SH3BGRL2: variants seen among roughly 807,000 people sequenced by gnomAD.
SH3BGRL2 encodes the protein SH3 domain binding glutamate rich protein like 2.
Under a neutral mutation model 14.8 loss-of-function variants are expected in SH3BGRL2, and 21 were observed. That is an observed-to-expected ratio of 1.42 (90% CI 1.01 to 2.05). The LOEUF is 2.05. Ranked by LOEUF, SH3BGRL2 falls within the 30% of genes most tolerant of loss-of-function variation. SH3BGRL2 has a pLI of 0.00. For synonymous variants in SH3BGRL2, 50 were observed against 47.8 expected, an observed-to-expected ratio of 1.05 and a Z score of -0.19; for missense variants, 147 against 130.8, an observed-to-expected ratio of 1.12 and a Z score of -0.61.
intron 2 of SH3BGRL2, among the ~76,000 whole-genome samples, chr6:79,678,970 A>G (rs1164113947): frequency 6.6e-6 from 1 of 152,180 alleles, no homozygotes; most frequent in Non-Finnish European, 1.5e-5. Context: ...TTAAGGCTGC[A>G]TAGTATTCCA....
chr6:79,615,406 G>A, the SH3BGRL2 span, among the ~76,000 whole-genome samples: 6 of 152,096 alleles, frequency 3.9e-5, no homozygotes, highest in Non-Finnish European at 2.9e-5. Context: ...CCTCTTCTGC[G>A]CAGGGTAACT....
the SH3BGRL2 span, among the ~76,000 whole-genome samples, chr6:79,548,425 T>G: frequency 6.6e-6 from 1 of 152,204 alleles, no homozygotes; most frequent in Non-Finnish European, 1.5e-5. Context: ...TTCTGACTAC[T>G]TAGTTTTTCA....
At chr6:79,696,275 T>C (rs2127739823) in intron 2 of SH3BGRL2, among the ~76,000 whole-genome samples, 1 of 152,344 alleles carries the variant, frequency 6.6e-6, no homozygotes, top group East Asian at 1.9e-4. Context: ...TGTCATAGGT[T>C]TTGGGTTAAA....
chr6:79,569,057 T>C, the SH3BGRL2 span, among the ~76,000 whole-genome samples: 1 of 152,176 alleles, frequency 6.6e-6, no homozygotes, highest in African/African-American at 2.4e-5. Flanking sequence ...CTTGGTTTTA[T>C]GCATTTTAGG....
intron 1 of SH3BGRL2, among the ~76,000 whole-genome samples, chr6:79,663,757 A>G (rs866864232): frequency 2.0e-5 from 3 of 152,224 alleles, no homozygotes; most frequent in East Asian, 3.9e-4. Flanking sequence ...TTGTTCAGCT[A>G]TGCCCTGCTC....
At chr6:79,588,040 T>C in the SH3BGRL2 span, among the ~76,000 whole-genome samples, 2 of 152,056 alleles carry the variant, frequency 1.3e-5, no homozygotes, top group African/African-American at 4.8e-5. Flanking sequence ...ATGGCTGTAA[T>C]CCCAGCACTT....
intron 1 of SH3BGRL2, among the ~76,000 whole-genome samples, chr6:79,662,402 T>TCTTCA (rs1769570133): frequency 1.3e-5 from 2 of 152,216 alleles, no homozygotes; most frequent in Non-Finnish European, 2.9e-5. Context: ...CCTTCACTTA[T>TCTTCA]GAAGCTTAGT....
intron 1 of SH3BGRL2, among the ~76,000 whole-genome samples, chr6:79,661,372 C>T (rs1175411739): frequency 1.3e-5 from 2 of 152,094 alleles, no homozygotes; most frequent in Admixed American, 6.6e-5. Flanking sequence ...TTATTTCTGC[C>T]TTCATTTCGT....
chr6:79,549,918 C>T, the SH3BGRL2 span, among the ~76,000 whole-genome samples: 1 of 152,050 alleles, frequency 6.6e-6, no homozygotes, highest in African/African-American at 2.4e-5. Context: ...TACACAGACA[C>T]GTTTGTGTCA....
At chr6:79,695,186 C>T (rs1487286782) in intron 2 of SH3BGRL2, among the ~76,000 whole-genome samples, 1 of 152,178 alleles carries the variant, frequency 6.6e-6, no homozygotes, top group Non-Finnish European at 1.5e-5. Flanking sequence ...TGCCAGTTTT[C>T]AAAGAAGACT....
the SH3BGRL2 span, among the ~76,000 whole-genome samples, chr6:79,595,445 T>C: frequency 1.3e-5 from 2 of 152,148 alleles, no homozygotes; most frequent in African/African-American, 4.8e-5. Flanking sequence ...AAAAGACAAA[T>C]AATCCAGTAG....
the SH3BGRL2 span, among the ~76,000 whole-genome samples, chr6:79,584,745 A>G: frequency 1.3e-5 from 2 of 152,300 alleles, no homozygotes; most frequent in South Asian, 4.1e-4. Flanking sequence ...GATAAGAAAA[A>G]TTTTAAGGAC....
chr6:79,572,629 C>G, the SH3BGRL2 span, among the ~76,000 whole-genome samples: 2 of 152,026 alleles, frequency 1.3e-5, no homozygotes, highest in Non-Finnish European at 2.9e-5. Context: ...CCACGCCCGG[C>G]TAATTTTTTG....
At chr6:79,628,467 G>A (rs536610159), upstream of SH3BGRL2, among the ~76,000 whole-genome samples, 1 of 152,136 alleles carries the variant, frequency 6.6e-6, no homozygotes, top group South Asian at 2.1e-4. Context: ...CAAGCCTAAT[G>A]ACCTGCTCAA....
At chr6:79,675,820 TGTTA>T (rs901703472) in intron 2 of SH3BGRL2, among the ~76,000 whole-genome samples, 22 of 134,522 alleles carry the variant, frequency 1.6e-4, no homozygotes, top group African/African-American at 3.8e-4. Flanking sequence ...AGTTTTCTTC[TGTTA>T]GTTGTGTTGT....
At chr6:79,541,302 T>C in the SH3BGRL2 span, among the ~76,000 whole-genome samples, 9 of 152,048 alleles carry the variant, frequency 5.9e-5, no homozygotes, top group Non-Finnish European at 1.3e-4. Flanking sequence ...ATATAAAATA[T>C]GTGTGCTTTT....
intron 1 of SH3BGRL2, among the ~76,000 whole-genome samples, chr6:79,657,295 G>C (rs1223569008): frequency 6.6e-6 from 1 of 152,296 alleles, no homozygotes; most frequent in East Asian, 1.9e-4. Flanking sequence ...GGAGGTATCA[G>C]CATCAGTGGG....
chr6:79,586,031 A>G, the SH3BGRL2 span, among the ~76,000 whole-genome samples: 27 of 152,030 alleles, frequency 1.8e-4, no homozygotes, highest in African/African-American at 5.5e-4. Context: ...CCCTGTCTCC[A>G]CTAAAATATA....
chr6:79,673,653 G>A lies in SH3BGRL2; in HGVS notation c.85G>A (p.Ala29Thr). The change falls in exon 2 of 4, where the codon GCC (alanine) becomes ACC (threonine). Residue 29 changes from alanine (A) to threonine (T), a missense_variant. Coordinates refer to ENST00000369838, the MANE Select transcript of SH3BGRL2 (RefSeq NM_031469.4). ...KQQDVVRFLEANKIEFEEVDI... is the reference protein window; with the variant it reads ...KQQDVVRFLETNKIEFEEVDI... ...GCAAGATGTGGTTAGATTTCTGGAAGCCAACAAGATAGAGTTTGAGGAGGT... is the reference window on the plus strand; with the variant it reads ...GCAAGATGTGGTTAGATTTCTGGAAACCAACAAGATAGAGTTTGAGGAGGT... The A allele has an allele frequency of 6.2e-7, 1 of 1,614,082 alleles. No homozygotes were observed. The highest frequency in any genetic ancestry group is 1.1e-5 in the South Asian group (1 of 91,078).
Sources: gnomAD v4.1 joint callset for allele counts (sites outside exome capture counted in the v4.1 genomes callset) on GRCh38, gnomAD v4.1.1 for gene constraint, MANE v1.5 for transcripts, NCBI Gene and HGNC (gene_info 2026-07-23, HGNC 2026-07-21) for gene names.